The following NBAS variants were observed in gnomAD, a reference collection of about 807,000 sequenced individuals.
The protein encoded by NBAS is NAG/BC035112 fusion.
A neutral mutation model predicts 302.5 loss-of-function variants in NBAS; 219 were observed. The ratio of observed to expected loss-of-function variants is 0.72; its 90% confidence interval spans 0.65 to 0.81. NBAS has a LOEUF of 0.81. Among genes scored for constraint, NBAS ranks in the 30% least tolerant of loss-of-function variants. The pLI is 0.00. For missense variants in NBAS, 2,932 were observed against 2,841.6 expected, an observed-to-expected ratio of 1.03 and a Z score of -0.72; for synonymous variants, 1,118 against 1,021.6, an observed-to-expected ratio of 1.09 and a Z score of -1.80.
intron 9 of NBAS, among the ~76,000 whole-genome samples, chr2:15,528,438 T>C (rs1663034136): frequency 6.8e-6 from 1 of 147,810 alleles, no homozygotes; most frequent in African/African-American, 2.5e-5. Context: ...ATAATATATA[T>C]TTTTAATATA....
intron 40 of NBAS, among the ~76,000 whole-genome samples, chr2:15,303,740 T>C (rs1190653893): frequency 6.6e-6 from 1 of 152,202 alleles, no homozygotes; most frequent in East Asian, 1.9e-4. Flanking sequence ...ACAAGAAAGA[T>C]ATAAGTTGTA....
At position 15,488,429 on chromosome 2, in the gene NBAS, G is replaced by C. The variant is rs535705673; in HGVS notation, c.1083+465C>G. Among the ~76,000 whole-genome samples the C allele has an allele frequency of 2.6e-5, 4 of 152,168 alleles. No individual in the cohort carries two copies. The East Asian group carries it at 7.7e-4, about 29-fold the overall frequency. On this transcript the variant is annotated intron_variant, in intron 12 of 51. Transcript: ENST00000281513. ...TATCATTCCAGGACACTAACAAAGA[G>C]TTCCATCCTTCTCTATATCTTAGCT...
chr2:15,386,508 T>C (rs566394719), intron 28 of NBAS, among the ~76,000 whole-genome samples: 6 of 152,328 alleles, frequency 3.9e-5, no homozygotes, highest in South Asian at 4.1e-4. Context: ...TGGCTTTTTT[T>C]CCCAGCCTTC....
the NBAS span, among the ~76,000 whole-genome samples, chr2:15,043,055 A>T: frequency 6.6e-6 from 1 of 152,232 alleles, no homozygotes; most frequent in African/African-American, 2.4e-5. Flanking sequence ...CATGAGCCAT[A>T]GTTCTCCAAC....
chr2:14,779,829 A>C, the NBAS span, among the ~76,000 whole-genome samples: 12 of 152,290 alleles, frequency 7.9e-5, no homozygotes, highest in South Asian at 2.3e-3. Context: ...GCAAGAGTTT[A>C]TTGTATACAG....
rs143475204 is a variant in NBAS, at chr2:15,357,060, C to T, written c.3818-644G>A. Among the ~76,000 whole-genome samples the T allele has an allele frequency of 4.1e-4, 63 of 152,300 alleles. No homozygotes were observed. The East Asian group carries it at 0.011, about 26-fold the overall frequency. ...TCCCTGGTAATCTGATCAAATCCCTCATCCCCACCACCAACCCCCAGATGT... is the reference window on the plus strand; with the variant it reads ...TCCCTGGTAATCTGATCAAATCCCTTATCCCCACCACCAACCCCCAGATGT... On this transcript the variant is annotated intron_variant, in intron 32 of 51. Transcript: ENST00000281513.
chr2:15,213,265 G>A (rs191513134), intron 48 of NBAS, among the ~76,000 whole-genome samples: 1 of 152,314 alleles, frequency 6.6e-6, no homozygotes, highest in East Asian at 1.9e-4. Context: ...AATGACATAT[G>A]CTTGAAGAAT....
chr2:15,168,834 G>A (rs373675426), intron 51 of NBAS, among the ~76,000 whole-genome samples: 10 of 152,116 alleles, frequency 6.6e-5, no homozygotes, highest in Non-Finnish European at 1.5e-4. Flanking sequence ...TCACCATGTT[G>A]GTCAGGCTGG....
At chr2:15,051,538 G>A in the NBAS span, among the ~76,000 whole-genome samples, 1 of 152,102 alleles carries the variant, frequency 6.6e-6, no homozygotes, top group African/African-American at 2.4e-5. Context: ...ACTTTTATAT[G>A]GACATAATAA....
At chr2:14,790,721 G>A in the NBAS span, among the ~76,000 whole-genome samples, 59,298 of 149,456 alleles carry the variant, frequency 0.4, 12,160 homozygotes, top group African/African-American at 0.5. Context: ...GTGCGATCTC[G>A]GCTCACCACA....
At chr2:15,406,733 G>C (rs1212808843) in intron 25 of NBAS, among the ~76,000 whole-genome samples, 1 of 152,108 alleles carries the variant, frequency 6.6e-6, no homozygotes, top group Admixed American at 6.5e-5. Context: ...TCGAAGAATG[G>C]AGTAAGGACA....
chr2:15,053,396 C>A, the NBAS span, among the ~76,000 whole-genome samples: 1 of 152,170 alleles, frequency 6.6e-6, no homozygotes, highest in African/African-American at 2.4e-5. Context: ...AGCTCTATCT[C>A]CAAGTGTGTG....
intron 24 of NBAS, 34 bp from the exon 25 acceptor site, chr2:15,415,753 G>C (rs1461448664): frequency 6.2e-7 from 1 of 1,611,182 alleles, no homozygotes; most frequent in Admixed American, 1.7e-5. Context: ...AGACAAACAA[G>C]AATGAAGTTA....
At chr2:15,335,477 A>G (rs1207364077) in intron 35 of NBAS, among the ~76,000 whole-genome samples, 1 of 152,186 alleles carries the variant, frequency 6.6e-6, no homozygotes, top group African/African-American at 2.4e-5. Flanking sequence ...GTTGCTCCAC[A>G]TCCACGCCAA....
chr2:14,932,225 A>C, the NBAS span, among the ~76,000 whole-genome samples: 1 of 152,302 alleles, frequency 6.6e-6, no homozygotes, highest in East Asian at 1.9e-4. Context: ...GGCATGAACC[A>C]ACCTTTGCAA....
chr2:15,038,078 A>AT, the NBAS span, among the ~76,000 whole-genome samples: 1 of 117,776 alleles, frequency 8.5e-6, no homozygotes, highest in Non-Finnish European at 1.8e-5. Flanking sequence ...TTATAATTAT[A>AT]TAATATATAT....
intron 23 of NBAS, among the ~76,000 whole-genome samples, chr2:15,420,552 G>T (rs1286242115): frequency 6.6e-6 from 1 of 152,152 alleles, no homozygotes; most frequent in Admixed American, 6.5e-5. Context: ...GGGGCAGAGA[G>T]AGTAGATGCA....
chr2:15,346,694 C>T (rs924038942), intron 35 of NBAS, among the ~76,000 whole-genome samples: 1 of 152,146 alleles, frequency 6.6e-6, no homozygotes, highest in African/African-American at 2.4e-5. Flanking sequence ...TATAAGGACA[C>T]ATACACACAT....
intron 51 of NBAS, 38 bp downstream of exon 51, chr2:15,178,950 A>C (rs1391416999): frequency 6.2e-7 from 1 of 1,611,290 alleles, no homozygotes; most frequent in South Asian, 1.1e-5. Context: ...AAACATTAAA[A>C]AAAAAAAAAG....
Sources: gnomAD v4.1 joint callset for allele counts (sites outside exome capture counted in the v4.1 genomes callset) on GRCh38, gnomAD v4.1.1 for gene constraint, MANE v1.5 for transcripts, NCBI Gene and HGNC (gene_info 2026-07-23, HGNC 2026-07-21) for gene names.